EVC: variants seen among roughly 807,000 people sequenced by gnomAD.
EVC encodes the protein evC complex member EVC.
In EVC, 116 loss-of-function variants were observed where a neutral mutation model predicts 118.9. The ratio of observed to expected loss-of-function variants is 0.98; its 90% CI spans 0.84 to 1.14. The LOEUF (loss-of-function observed/expected upper bound fraction) is 1.14, where lower values mean the gene tolerates loss of function less well. Ranked by LOEUF, EVC falls within the 50% of genes most tolerant of loss-of-function variation. The pLI is 0.00. For synonymous variants in EVC, 619 were observed against 534.7 expected (o/e 1.16, Z -2.18); for missense variants, 1,401 against 1,246.4 (o/e 1.12, Z -1.87).
chr4:5,815,049 G>C (rs1717463068), downstream of EVC, among the ~76,000 whole-genome samples: 1 of 152,192 alleles, frequency 6.6e-6, no homozygotes, highest in Non-Finnish European at 1.5e-5. Flanking sequence ...CCCTTACCCA[G>C]ATCCTCCAAA....
At chr4:5,740,847 C>A (rs985553752) in intron 5 of EVC, among the ~76,000 whole-genome samples, 1 of 152,168 alleles carries the variant, frequency 6.6e-6, no homozygotes, top group Non-Finnish European at 1.5e-5. Flanking sequence ...TGTTCAATGT[C>A]ATTAAGCCAG....
chr4:5,772,444 G>T (rs187760290), intron 11 of EVC, among the ~76,000 whole-genome samples: 1 of 152,080 alleles, frequency 6.6e-6, no homozygotes, highest in African/African-American at 2.4e-5. Flanking sequence ...TAACCTCTCT[G>T]ATCCAGGAAT....
intron 5 of EVC, 93 bp from the exon 6 acceptor site, chr4:5,741,623 G>T (rs182558145): frequency 2.1e-5 from 15 of 719,102 alleles, no homozygotes; most frequent in Admixed American, 1.5e-4. Flanking sequence ...GAGAGGCAGT[G>T]GGGGAGGGAG....
chr4:5,827,393 T>C, the EVC span, among the ~76,000 whole-genome samples: 1 of 152,240 alleles, frequency 6.6e-6, no homozygotes, highest in Admixed American at 6.5e-5. Context: ...GCAAAGCATC[T>C]GTGCGACTTG....
intron 9 of EVC, 114 bp from the exon 10 acceptor site, chr4:5,753,669 ATC>A (rs1340714583): frequency 1.5e-6 from 2 of 1,363,372 alleles, no homozygotes; most frequent in Admixed American, 1.7e-5. Flanking sequence ...GGCGGGCACC[ATC>A]TCTGCAGCCG....
intron 5 of EVC, among the ~76,000 whole-genome samples, chr4:5,740,480 AAAAAAAAG>A (rs1386647971): frequency 1.6e-3 from 248 of 151,914 alleles, no homozygotes; most frequent in African/African-American, 5.4e-3. Flanking sequence ...CAAAAAAAAA[AAAAAAAAG>A]AAAAAGAAAA....
chr4:5,809,196 C>T (rs1333120136), intron 18 of EVC, among the ~76,000 whole-genome samples: 7 of 152,174 alleles, frequency 4.6e-5, no homozygotes, highest in South Asian at 4.1e-4. Flanking sequence ...CCTGTGGAGT[C>T]GGGCAGAAGT....
chr4:5,771,837 A>G (rs1734011226), intron 11 of EVC, among the ~76,000 whole-genome samples: 1 of 152,090 alleles, frequency 6.6e-6, no homozygotes. Context: ...AGGCTGGGTG[A>G]TTCATATCTC....
the EVC span, chr4:5,826,577 G>C: frequency 6.6e-6 from 1 of 152,198 alleles, no homozygotes; most frequent in Non-Finnish European, 1.5e-5. Flanking sequence ...TTCCAGGCAG[G>C]AGGCTGTCAG....
chr4:5,808,136 T>TCCCCCCCCCCCCCCCCC, intron 17 of EVC, 65 bp from the exon 18 acceptor site: 14 of 306,550 alleles, frequency 4.6e-5, no homozygotes, highest in East Asian at 1.6e-4. Context: ...TCCTTCTCCC[T>TCCCCCCCCCCCCCCCCC]CCCTCCCTCC....
chr4:5,750,469 C>T (rs560067391), intron 8 of EVC, among the ~76,000 whole-genome samples: 1 of 152,282 alleles, frequency 6.6e-6, no homozygotes, highest in South Asian at 2.1e-4. Flanking sequence ...GTAGCACATG[C>T]TGTTCATGGA....
Position 5,804,124 on chromosome 4 carries a change from G to C in EVC, c.2450-606G>C, listed in dbSNP as rs555226578. 2.6e-4 allele frequency among the ~76,000 whole-genome samples: 39 copies of C among 152,192 alleles called. No individual in the cohort carries two copies. The South Asian group carries it at 7.9e-3, about 31-fold the overall frequency. On this transcript the variant is annotated intron_variant, in intron 16 of 20. Transcript: ENST00000264956. Reference sequence around the variant, plus strand: ...GGCTCATTTTTGTACTTTTAGTAGAGACAGGGTTTCACCATGTTGGCCAGG... The same window carrying C: ...GGCTCATTTTTGTACTTTTAGTAGACACAGGGTTTCACCATGTTGGCCAGG...
At chr4:5,722,828 C>T (rs1400009222) in intron 2 of EVC, among the ~76,000 whole-genome samples, 4 of 152,188 alleles carry the variant, frequency 2.6e-5, no homozygotes, top group African/African-American at 4.8e-5. Context: ...TTGTACATTT[C>T]GCTGCAACCA....
the EVC span, among the ~76,000 whole-genome samples, chr4:5,828,998 T>TC: frequency 2.6e-5 from 4 of 152,076 alleles, no homozygotes; most frequent in Non-Finnish European, 5.9e-5. Context: ...AAAATGTTCT[T>TC]CATTTTACTT....
chr4:5,750,083 G>A (rs1418906926), intron 8 of EVC, among the ~76,000 whole-genome samples: 1 of 152,074 alleles, frequency 6.6e-6, no homozygotes, highest in Non-Finnish European at 1.5e-5. Flanking sequence ...CCGAAAGATA[G>A]GTATGGAAGA....
At chr4:5,802,561 G>T (rs777978222) in intron 16 of EVC, among the ~76,000 whole-genome samples, 1 of 143,976 alleles carries the variant, frequency 6.9e-6, no homozygotes, top group Non-Finnish European at 1.5e-5. Flanking sequence ...TCACCATAAT[G>T]TAGAATCAGT....
chr4:5,714,524 A>G (rs1341536243), intron 1 of EVC, among the ~76,000 whole-genome samples: 1 of 145,086 alleles, frequency 6.9e-6, no homozygotes, highest in Non-Finnish European at 1.5e-5. Context: ...GGCTGCGTGC[A>G]ATAGCCGTTG....
At chr4:5,725,296 C>T (rs573339298) in intron 2 of EVC, among the ~76,000 whole-genome samples, 18 of 152,304 alleles carry the variant, frequency 1.2e-4, no homozygotes, top group African/African-American at 3.1e-4. Flanking sequence ...GAGGAATCGC[C>T]ACACTGTCTT....
At chr4:5,728,524 G>T (rs1485330486) in intron 2 of EVC, among the ~76,000 whole-genome samples, 1 of 152,108 alleles carries the variant, frequency 6.6e-6, no homozygotes, top group Admixed American at 6.6e-5. Context: ...TGCAAACAGG[G>T]ACAATTTGAC....
Sources: gnomAD v4.1 joint callset for allele counts (sites outside exome capture counted in the v4.1 genomes callset) on GRCh38, gnomAD v4.1.1 for gene constraint, MANE v1.5 for transcripts, NCBI Gene and HGNC (gene_info 2026-07-23, HGNC 2026-07-21) for gene names.